CLK3: variants seen among roughly 807,000 people sequenced by gnomAD.
CLK3 encodes CDC like kinase 3, also known as dual specificity protein kinase CLK3.
A neutral mutation model predicts 65.2 loss-of-function variants in CLK3; 24 were observed. The observed-to-expected ratio is 0.37, with a 90% CI of 0.27 to 0.52. The LOEUF is 0.52. CLK3 is among the 20% of genes least tolerant of loss of function. CLK3 has a pLI of 0.92. For missense variants in CLK3, 506 were observed against 660.0 expected (o/e 0.77, Z 2.56); for synonymous variants, 252 against 240.8 (o/e 1.05, Z -0.43).
rs757212136 is a variant in CLK3, at chr15:74,620,016, C to T, written c.160C>T (p.Arg54Cys). 2.4e-5 allele frequency: 38 copies of T among 1,613,946 alleles called. No individual in the cohort carries two copies. Among genetic ancestry groups the T allele is most frequent in the South Asian group, 4.4e-5 (4 of 91,084 alleles). ...CCATCCCCCTTTTGGCAGCCATGAC[C>T]GCCTGCCCTACCAGAGGAGGTACCG... is the stretch of plus-strand genomic sequence containing the variant. ...PRRSRSRSHD[R>C]LPYQRRYRER... The change falls in exon 3 of 13, where the codon CGC (arginine) becomes TGC (cysteine). Residue 54 changes from arginine to cysteine, a missense_variant. Arg to Cys is a radical substitution (Grantham distance 180). Around this residue, in one of 2 missense-constraint regions of CLK3, gnomAD observed 181 missense variants for 159.4 expected, o/e 1.14. Coordinates refer to ENST00000395066, the MANE Select transcript of CLK3 (RefSeq NM_001130028.2).
chr15:74,611,160 G>T (rs983696132), upstream of CLK3, among the ~76,000 whole-genome samples: 7 of 152,186 alleles, frequency 4.6e-5, no homozygotes, highest in Non-Finnish European at 1.0e-4. Context: ...GCAACACCCT[G>T]CACCCTTCCA....
intron 6 of CLK3, 105 bp from the exon 7 acceptor site, chr15:74,625,697 T>A: frequency 8.4e-7 from 1 of 1,190,168 alleles, no homozygotes. Context: ...TTCTGGTGTG[T>A]GACCCGGTGG....
At chr15:74,628,343 T>C (rs1211896476) in intron 10 of CLK3, among the ~76,000 whole-genome samples, 1 of 152,076 alleles carries the variant, frequency 6.6e-6, no homozygotes, top group Admixed American at 6.5e-5. Context: ...GGCATCGGGA[T>C]GGGCTGGGAC....
At position 74,622,313 on chromosome 15, in the gene CLK3, G is replaced by A; in HGVS notation, c.466+97G>A. On this transcript the variant is annotated intron_variant, in intron 4 of 12. Coordinates refer to ENST00000395066, the MANE Select transcript of CLK3 (RefSeq NM_001130028.2). This position sits in a 1 kb window ranked among gnomAD's most constrained non-coding sequence, Gnocchi z 4.6. Reference sequence around the variant, plus strand: ...TGGAGGGGCCTCTAGTGCGCGTGGTGCCTTAGCGGGGCCACCAGTAATTGC... The same window carrying A: ...TGGAGGGGCCTCTAGTGCGCGTGGTACCTTAGCGGGGCCACCAGTAATTGC... 1.6e-6 allele frequency: 2 copies of A among 1,219,008 alleles called. No homozygotes were observed. The highest frequency in any genetic ancestry group is 2.4e-6 in the Non-Finnish European group (2 of 849,568). 75.5% of individuals were successfully genotyped at this position (1,219,008 alleles called of 1,614,324 possible). A position where few individuals can be genotyped will look rare whatever the true frequency, so the allele number is the denominator to read the frequency against.
At chr15:74,626,013 C>T (rs1416884286) in intron 7 of CLK3, 45 bp downstream of exon 7, 2 of 1,595,538 alleles carry the variant, frequency 1.3e-6, no homozygotes, top group Non-Finnish European at 1.7e-6. Flanking sequence ...CACATGCCTG[C>T]AGCCAAGTCA....
chr15:74,620,134 G>A lies in CLK3; in HGVS notation c.278G>A (p.Arg93Gln), dbSNP rs766299793. 1.7e-5 allele frequency: 28 copies of A among 1,613,988 alleles called. No individual in the cohort carries two copies. The highest frequency in any genetic ancestry group is 4.4e-5 in the South Asian group (4 of 91,090). The change falls in exon 3 of 13, where the codon CGG becomes CAG. Residue 93 changes from arginine to glutamine, a missense_variant. Coordinates refer to ENST00000395066, the MANE Select transcript of CLK3 (RefSeq NM_001130028.2). ...YYGPSRSRHR[R>Q]RSRERGPYRT... ...GGACCTTCACGTTCTCGTCATCGTC[G>A]GCGATCGCGGGAGAGGGGGCCATAC...
rs538327708 is a variant in CLK3, at chr15:74,621,464, G to A, written c.370-656G>A. The A allele has an allele frequency of 1.2e-5, 2 of 163,072 alleles. No individual in the cohort carries two copies. The highest frequency in any genetic ancestry group is 4.8e-5 in the African/African-American group (2 of 41,752). The allele number at this position is 163,072 out of a possible 1,614,324, so 10.1% of individuals were successfully genotyped here. A position where few individuals can be genotyped will look rare whatever the true frequency, so the allele number is the denominator to read the frequency against. On this transcript the variant is annotated intron_variant, in intron 3 of 12. Coordinates refer to ENST00000395066, the MANE Select transcript of CLK3 (RefSeq NM_001130028.2). The surrounding 1 kb of genome is among the most constrained non-coding windows in gnomAD (Gnocchi z 4.8). ...GGTGGCAGGAGGGCTGCTGACGGAA[G>A]GCTGTTTCTGGTAGTGATGGTGAAA...
upstream of CLK3, among the ~76,000 whole-genome samples, chr15:74,611,017 A>T (rs1213887001): frequency 3.3e-5 from 5 of 152,304 alleles, no homozygotes; most frequent in East Asian, 9.6e-4. Context: ...TGGGCTTCTA[A>T]GGAAGCTCTT....
chr15:74,618,647 A>G (rs973573549), intron 1 of CLK3, among the ~76,000 whole-genome samples: 2 of 152,072 alleles, frequency 1.3e-5, no homozygotes, highest in Non-Finnish European at 2.9e-5. Flanking sequence ...GTGGCTCCTC[A>G]TGCTCACTTG....
upstream of CLK3, chr15:74,614,957 G>A (rs143945599): frequency 0.011 from 1,698 of 154,538 alleles, 19 homozygotes; most frequent in African/African-American, 0.028. Flanking sequence ...GGCGGGACGC[G>A]CACGCTCACA....
At chr15:74,626,523 C>T (rs986661464) in intron 7 of CLK3, among the ~76,000 whole-genome samples, 1 of 152,246 alleles carries the variant, frequency 6.6e-6, no homozygotes, top group Non-Finnish European at 1.5e-5. Context: ...ACCCTGAGCA[C>T]TGCTACTGTG....
rs2062113176 is a variant in CLK3, at chr15:74,622,692, T to G, written c.533+132T>G. ...TTGAAGGGTGGCATCAAAGTAGGGT[T>G]CCGACCTGTCCATGTTGGGGTTTTG... On this transcript the variant is annotated intron_variant, in intron 5 of 12. Transcript: ENST00000395066. The surrounding 1 kb of genome is among the most constrained non-coding windows in gnomAD (Gnocchi z 4.6). 3 of 606,370 alleles carry G rather than the reference T, an allele frequency of 4.9e-6. No homozygotes were observed. The highest frequency in any genetic ancestry group is 3.3e-5 in the Admixed American group (1 of 30,368). The allele number at this position is 606,370 out of a possible 1,614,324, so 37.6% of individuals were successfully genotyped here.
At position 74,622,296 on chromosome 15, in the gene CLK3, C is replaced by T; in HGVS notation, c.466+80C>T. 7.3e-7 allele frequency: 1 copy of T among 1,370,786 alleles called. No individual in the cohort carries two copies. Among genetic ancestry groups the T allele is most frequent in the African/African-American group, 1.4e-5 (1 of 70,130 alleles). 84.9% of individuals were successfully genotyped at this position (1,370,786 alleles called of 1,614,324 possible). A position where few individuals can be genotyped will look rare whatever the true frequency, so the allele number is the denominator to read the frequency against. Reference sequence around the variant, plus strand: ...ACGAGACCTCTCCTGCCTGGAGGGGCCTCTAGTGCGCGTGGTGCCTTAGCG... The same window carrying T: ...ACGAGACCTCTCCTGCCTGGAGGGGTCTCTAGTGCGCGTGGTGCCTTAGCG... On this transcript the variant is annotated intron_variant, in intron 4 of 12. Coordinates refer to ENST00000395066, the MANE Select transcript of CLK3 (RefSeq NM_001130028.2). This position sits in a 1 kb window ranked among gnomAD's most constrained non-coding sequence, Gnocchi z 4.6.
At chr15:74,619,964 C>G (rs573934140) in intron 2 of CLK3, 45 bp from the exon 3 acceptor site, 2 of 1,612,062 alleles carry the variant, frequency 1.2e-6, no homozygotes, top group Non-Finnish European at 1.7e-6. Flanking sequence ...TGCTTGCTAA[C>G]AGCAAGGACC....
At chr15:74,626,922 T>A (rs2062147222) in intron 7 of CLK3, 1 of 453,436 alleles carries the variant, frequency 2.2e-6, no homozygotes, top group Non-Finnish European at 4.4e-6. Context: ...TGATTTAATG[T>A]CCTTTTGCCA....
rs763187750 is a variant in CLK3, at chr15:74,619,318, A to G, written c.122A>G (p.Glu41Gly). 1.4e-5 allele frequency: 23 copies of G among 1,613,936 alleles called. No individual in the cohort carries two copies. Among genetic ancestry groups the G allele is most frequent in the Non-Finnish European group, 1.9e-5 (22 of 1,179,980 alleles). Residue 41 changes from glutamate to glycine, a missense_variant, in exon 2 of 13, where the codon GAG becomes GGG. By Grantham distance (98) the Glu-to-Gly change is moderately conservative. Coordinates refer to ENST00000395066, the MANE Select transcript of CLK3 (RefSeq NM_001130028.2). Reference sequence around the variant, plus strand: ...AGACTGCGATACCCGTCCCGAAGGGAGCCTCCCCCACGAAGATCTCGGTCC... The same window carrying G: ...AGACTGCGATACCCGTCCCGAAGGGGGCCTCCCCCACGAAGATCTCGGTCC... ...EGRLRYPSRR[E>G]PPPRRSRSRS...
At chr15:74,616,659 A>C (rs2062062684) in intron 1 of CLK3, among the ~76,000 whole-genome samples, 1 of 152,176 alleles carries the variant, frequency 6.6e-6, no homozygotes, top group Non-Finnish European at 1.5e-5. Context: ...CTTGAAAAGG[A>C]GGAGCGTTTC....
In CLK3 at chr15:74,624,763, T is replaced by A; in HGVS notation, c.534-139T>A. 1 of 660,186 alleles carries A rather than the reference T, an allele frequency of 1.5e-6. No homozygotes were observed. The highest frequency in any genetic ancestry group is 2.8e-6 in the Non-Finnish European group (1 of 358,574). 40.9% of individuals were successfully genotyped at this position (660,186 alleles called of 1,614,324 possible). A position where few individuals can be genotyped will look rare whatever the true frequency, so the allele number is the denominator to read the frequency against. On this transcript the variant is annotated intron_variant, in intron 5 of 12. Transcript: ENST00000395066. The surrounding 1 kb of genome is among the most constrained non-coding windows in gnomAD (Gnocchi z 4.2). ...AGGTCTGGTGTTGCATGGGGCAGGCTGGGCATCCAGTATCTGCTCTCTTCA... is the reference window on the plus strand; with the variant it reads ...AGGTCTGGTGTTGCATGGGGCAGGCAGGGCATCCAGTATCTGCTCTCTTCA...
chr15:74,628,127 GC>G, intron 10 of CLK3, 75 bp downstream of exon 10: 1 of 977,450 alleles, frequency 1.0e-6, no homozygotes, highest in Non-Finnish European at 1.7e-6. Context: ...GGGGTGGGAA[GC>G]CCCACATGGA....
Sources: allele counts gnomAD v4.1 joint callset (sites outside exome capture counted in the v4.1 genomes callset), GRCh38; gene constraint gnomAD v4.1.1; regional missense constraint gnomAD v4.1.1; non-coding constraint Gnocchi (gnomAD v3.1); transcripts MANE v1.5; gene names NCBI Gene and HGNC (gene_info 2026-07-23, HGNC 2026-07-21).